ARSG: variants seen among roughly 807,000 people sequenced by gnomAD.
ARSG encodes arylsulfatase G.
Under a neutral mutation model 50.5 loss-of-function variants are expected in ARSG, and 37 were observed. The observed-to-expected ratio is 0.73, with a 90% CI of 0.56 to 0.96. ARSG has a LOEUF of 0.96. Among genes scored for constraint, ARSG ranks in the 50% least tolerant of loss-of-function variants. The pLI, the probability that ARSG is intolerant of heterozygous loss-of-function variation, is 0.00. For synonymous variants in ARSG, 225 were observed against 254.6 expected (o/e 0.88, Z 1.11); for missense variants, 629 against 675.3 (o/e 0.93, Z 0.76).
chr17:68,311,501 T>C lies in ARSG; in HGVS notation c.218+3790T>C, dbSNP rs563873627. On this transcript the variant is annotated intron_variant, in intron 2 of 11. Transcript: ENST00000621439. ...TGTGACCATATTTGGAAACAGGGTC[T>C]TTGCAAATGTTATTAATTAAGGCTC... Among the ~76,000 whole-genome samples the C allele has an allele frequency of 1.3e-4, 20 of 152,270 alleles. No individual in the cohort carries two copies. The South Asian group carries it at 3.1e-3, about 24-fold the overall frequency.
intron 1 of ARSG, among the ~76,000 whole-genome samples, chr17:68,298,377 T>C (rs1362765730): frequency 6.6e-6 from 1 of 151,246 alleles, no homozygotes; most frequent in Non-Finnish European, 1.5e-5. Flanking sequence ...GTGAGGTGGG[T>C]GGATCACTTT....
chr17:68,435,571 G>A, the ARSG span: 2 of 1,576,404 alleles, frequency 1.3e-6, no homozygotes, highest in Non-Finnish European at 1.7e-6. Context: ...CGCACGGCAG[G>A]AGCCATCCAG....
intron 1 of ARSG, among the ~76,000 whole-genome samples, chr17:68,285,868 C>A (rs1200372129): frequency 6.6e-6 from 1 of 151,882 alleles, no homozygotes; most frequent in East Asian, 1.9e-4. Flanking sequence ...TCAAGCAATT[C>A]TTTGCGTCAG....
chr17:68,303,299 A>AT (rs2076488623), intron 1 of ARSG, among the ~76,000 whole-genome samples: 1 of 151,522 alleles, frequency 6.6e-6, no homozygotes, highest in African/African-American at 2.4e-5. Context: ...TAATTTTTTA[A>AT]TTTTTTTGTA....
At position 68,272,811 on chromosome 17, in the gene ARSG, C is replaced by T. The variant is rs782553378; in HGVS notation, c.-552+13385C>T. On this transcript the variant is annotated intron_variant, in intron 1 of 11. Coordinates refer to the ARSG transcript ENST00000448504. ...AAAAGCCAATGAGACCCACATACTG[C>T]TTGAGACTGGAAGGATGCATTAAAA... is the stretch of plus-strand genomic sequence containing the variant. The T allele has an allele frequency of 9.9e-6, 16 of 1,609,062 alleles. No individual in the cohort carries two copies. The Admixed American group carries it at 2.7e-4, about 27-fold the overall frequency.
chr17:68,276,326 G>A (rs1287654510), intron 1 of ARSG, among the ~76,000 whole-genome samples: 3 of 152,208 alleles, frequency 2.0e-5, no homozygotes, highest in African/African-American at 7.2e-5. Flanking sequence ...ACATTCTATG[G>A]CTAAAAATGG....
chr17:68,309,009 G>T (rs960636838), intron 2 of ARSG, among the ~76,000 whole-genome samples: 41 of 152,364 alleles, frequency 2.7e-4, no homozygotes, highest in African/African-American at 9.9e-4. Context: ...CACGGAGGGG[G>T]TGGGAGGCTC....
In ARSG at chr17:68,388,922, CAAAAAAAAAA is replaced by C. The variant is rs35105754; in HGVS notation, c.1091+3764_1091+3773del. On this transcript the variant is annotated intron_variant, in intron 9 of 11. Transcript: ENST00000621439. ...CCTGGGCGACAGTGAGACTCTGTCT[CAAAAAAAAAA>C]AAAAAAAAAAAAAGAAAAACAGCTA... is the stretch of plus-strand genomic sequence containing the variant. Among the ~76,000 whole-genome samples, 505 of 108,052 alleles carry C rather than the reference CAAAAAAAAAA, an allele frequency of 4.7e-3. 2 individuals are homozygous for C. The highest frequency in any genetic ancestry group is 0.017 in the African/African-American group (476 of 28,194). 70.9% of individuals were successfully genotyped at this position (108,052 alleles called of 152,430 possible).
At chr17:68,387,230 G>A (rs2080774139) in intron 9 of ARSG, among the ~76,000 whole-genome samples, 1 of 152,072 alleles carries the variant, frequency 6.6e-6, no homozygotes, top group South Asian at 2.1e-4. Flanking sequence ...CTGGGTTTGT[G>A]TAATCCTCCC....
downstream of ARSG, chr17:68,421,852 T>C: frequency 6.2e-7 from 1 of 1,613,994 alleles, no homozygotes; most frequent in Non-Finnish European, 8.5e-7. Context: ...GGCCTTACTC[T>C]TCTCAGGAAG....
chr17:68,370,037 T>C (rs1161662999), intron 7 of ARSG, among the ~76,000 whole-genome samples: 1 of 152,104 alleles, frequency 6.6e-6, no homozygotes, highest in East Asian at 1.9e-4. Context: ...TTTTTTTAGA[T>C]GGAGTCTTGC....
rs1464848510 is a variant in ARSG at position 68,381,683 on chromosome 17, C to G, written c.983-3381C>G. On this transcript the variant is annotated intron_variant, in intron 8 of 11. Transcript: ENST00000621439. This position sits in a 1 kb window ranked among gnomAD's most constrained non-coding sequence, Gnocchi z 4.1. ...ACTTTGAAACGTGCTGTGTTCTCTT[C>G]CCGATCTTGCCCCTTGCCCTCCTTC... 6.6e-6 allele frequency among the ~76,000 whole-genome samples: 1 copy of G among 152,186 alleles called. No individual in the cohort carries two copies. The highest frequency in any genetic ancestry group is 1.5e-5 in the Non-Finnish European group (1 of 68,042).
chr17:68,364,490 G>GCT (rs1384789286), intron 6 of ARSG, among the ~76,000 whole-genome samples: 1 of 152,000 alleles, frequency 6.6e-6, no homozygotes, highest in African/African-American at 2.4e-5. Context: ...TCTCTTGCTG[G>GCT]CTGGGATTAC....
rs181059106 is a variant in ARSG, at chr17:68,300,420, G to A, written c.-551-6523G>A. ...ACTTCCATAATAAAATGTTTAATAA[G>A]TGATAAGTAAATACAGCTTTGTAAA... On this transcript the variant is annotated intron_variant, in intron 1 of 11. Transcript: ENST00000621439. Among the ~76,000 whole-genome samples, 181 of 152,320 alleles carry A rather than the reference G, an allele frequency of 1.2e-3. 1 individual carries two copies. In the South Asian group the frequency reaches 0.024, roughly 20 times the overall value.
chr17:68,373,389 C>T (rs908415208), intron 8 of ARSG, among the ~76,000 whole-genome samples: 1 of 150,956 alleles, frequency 6.6e-6, no homozygotes, highest in Non-Finnish European at 1.5e-5. Context: ...ACCACCACAC[C>T]TGGCTGATTT....
intron 11 of ARSG, among the ~76,000 whole-genome samples, chr17:68,409,729 C>T (rs1183943129): frequency 1.0e-4 from 15 of 150,102 alleles, no homozygotes; most frequent in South Asian, 6.3e-4. Context: ...GCCATTTTCA[C>T]GATATTGATT....
chr17:68,272,998 T>TA (rs1174611296), intron 1 of ARSG, among the ~76,000 whole-genome samples: 3 of 151,924 alleles, frequency 2.0e-5, no homozygotes, highest in Non-Finnish European at 2.9e-5. Flanking sequence ...TTTTTTTTTT[T>TA]ATCTTTGCAA....
chr17:68,433,778 T>TTTTTTTG, the ARSG span, among the ~76,000 whole-genome samples: 4 of 65,754 alleles, frequency 6.1e-5, no homozygotes, highest in African/African-American at 1.9e-4. Flanking sequence ...TTTTTTTTTT[T>TTTTTTTG]TTTTTTTTTT....
intron 2 of ARSG, among the ~76,000 whole-genome samples, chr17:68,339,950 A>C (rs1489871863): frequency 6.6e-6 from 1 of 152,062 alleles, no homozygotes; most frequent in Non-Finnish European, 1.5e-5. Flanking sequence ...TAGCTGGGGG[A>C]TGGGTTGATT....
Sources: allele counts gnomAD v4.1 joint callset (sites outside exome capture counted in the v4.1 genomes callset), GRCh38; gene constraint gnomAD v4.1.1; non-coding constraint Gnocchi (gnomAD v3.1); transcripts MANE v1.5; gene names NCBI Gene and HGNC (gene_info 2026-07-23, HGNC 2026-07-21).